ARHGAP42: variants seen among roughly 807,000 people sequenced by gnomAD.
ARHGAP42 encodes Rho GTPase activating protein 42.
In ARHGAP42, 63 loss-of-function variants were observed where a neutral mutation model predicts 125.0. The ratio of observed to expected loss-of-function variants is 0.50; its 90% CI spans 0.41 to 0.62. The LOEUF (loss-of-function observed/expected upper bound fraction) is 0.62. Among genes scored for constraint, ARHGAP42 ranks in the 20% least tolerant of loss-of-function variants. ARHGAP42 has a pLI of 0.00. For missense variants in ARHGAP42, 766 were observed against 1,024.2 expected (o/e 0.75, Z 3.44); for synonymous variants, 339 against 351.0 (o/e 0.97, Z 0.38).
intron 10 of ARHGAP42, among the ~76,000 whole-genome samples, chr11:100,947,273 TGTTA>T (rs1868049404): frequency 6.6e-6 from 1 of 152,038 alleles, no homozygotes; most frequent in Admixed American, 6.6e-5. Context: ...ATAAAGAGGC[TGTTA>T]GTTTATTTAT....
chr11:100,987,157 T>G (rs544135945), intron 22 of ARHGAP42, among the ~76,000 whole-genome samples: 39 of 152,328 alleles, frequency 2.6e-4, no homozygotes, highest in African/African-American at 9.1e-4. Flanking sequence ...TTGGGGTACC[T>G]AGGAACCTTC....
chr11:100,815,251 A>G (rs1160414979), intron 3 of ARHGAP42, among the ~76,000 whole-genome samples: 3 of 152,180 alleles, frequency 2.0e-5, no homozygotes, highest in African/African-American at 7.2e-5. Context: ...CCTTTGTTTC[A>G]TAGACATCCT....
chr11:100,904,280 G>T (rs1414726329), intron 4 of ARHGAP42, among the ~76,000 whole-genome samples: 1 of 140,596 alleles, frequency 7.1e-6, no homozygotes, highest in African/African-American at 2.7e-5. Flanking sequence ...GTCTTGCTCT[G>T]TCGCCCAGGC....
chr11:100,704,072 G>A (rs917206253), intron 1 of ARHGAP42, among the ~76,000 whole-genome samples: 6 of 152,110 alleles, frequency 3.9e-5, no homozygotes, highest in African/African-American at 1.4e-4. Context: ...AGAGACAAAA[G>A]AGACATTCAG....
chr11:100,769,975 C>A (rs1021886315), intron 1 of ARHGAP42, among the ~76,000 whole-genome samples: 1 of 151,978 alleles, frequency 6.6e-6, no homozygotes, highest in African/African-American at 2.4e-5. Context: ...GCTGTGTATC[C>A]TGGAACTTGA....
intron 2 of ARHGAP42, among the ~76,000 whole-genome samples, chr11:100,780,011 G>A (rs1721625130): frequency 6.6e-6 from 1 of 151,228 alleles, no homozygotes; most frequent in South Asian, 2.1e-4. Flanking sequence ...GGGGGACAGA[G>A]TGAGACTCCA....
At chr11:100,836,380 A>C (rs1864785853) in intron 3 of ARHGAP42, among the ~76,000 whole-genome samples, 1 of 152,076 alleles carries the variant, frequency 6.6e-6, no homozygotes, top group African/African-American at 2.4e-5. Context: ...TGGAACACAA[A>C]ATTTTCCATC....
At chr11:100,701,819 G>A (rs1861402410) in intron 1 of ARHGAP42, among the ~76,000 whole-genome samples, 1 of 152,154 alleles carries the variant, frequency 6.6e-6, no homozygotes, top group Non-Finnish European at 1.5e-5. Context: ...GTTCACTGAA[G>A]TAGCATTTTT....
At chr11:100,962,539 C>T (rs761063728) in intron 16 of ARHGAP42, 72 bp downstream of exon 16, 1 of 1,258,454 alleles carries the variant, frequency 7.9e-7, no homozygotes, top group African/African-American at 1.5e-5. Flanking sequence ...GCATATATTA[C>T]TAGTATCAGC....
chr11:100,846,969 G>A (rs1865082935), intron 3 of ARHGAP42, among the ~76,000 whole-genome samples: 1 of 152,152 alleles, frequency 6.6e-6, no homozygotes, highest in Non-Finnish European at 1.5e-5. Context: ...GGTTCAAGCA[G>A]CTGAAGAAGA....
chr11:100,992,794 T>G lies in ARHGAP42; in HGVS notation c.*3993T>G. 7.2e-7 allele frequency: 1 copy of G among 1,385,838 alleles called. No homozygotes were observed. Among genetic ancestry groups the G allele is most frequent in the Non-Finnish European group, 9.8e-7 (1 of 1,018,774 alleles). The allele number at this position is 1,385,838 out of a possible 1,614,324, so 85.8% of individuals were successfully genotyped here. A position where few individuals can be genotyped will look rare whatever the true frequency, so the allele number is the denominator to read the frequency against. On this transcript the variant is annotated 3_prime_UTR_variant, in exon 24 of 24. Transcript: ENST00000298815. Reference sequence around the variant, plus strand: ...TTAAATAAAGAATCTTACATAAGAATGTTGACAACATTCACAGTAAGCCAT... The same window carrying G: ...TTAAATAAAGAATCTTACATAAGAAGGTTGACAACATTCACAGTAAGCCAT...
intron 17 of ARHGAP42, among the ~76,000 whole-genome samples, chr11:100,967,869 A>G (rs1381746855): frequency 1.3e-5 from 2 of 152,012 alleles, no homozygotes; most frequent in Non-Finnish European, 2.9e-5. Context: ...ATGTGACACC[A>G]CGCCCAGCTA....
intron 6 of ARHGAP42, among the ~76,000 whole-genome samples, chr11:100,922,548 C>G (rs1422425166): frequency 6.6e-6 from 1 of 152,092 alleles, no homozygotes; most frequent in African/African-American, 2.4e-5. Flanking sequence ...TGTAAGTAAT[C>G]AAATATCTAA....
At chr11:100,925,476 G>A (rs1178376864) in intron 6 of ARHGAP42, among the ~76,000 whole-genome samples, 5 of 151,928 alleles carry the variant, frequency 3.3e-5, no homozygotes, top group East Asian at 1.9e-4. Flanking sequence ...AGTAGCTCAC[G>A]CCTGTAATCC....
At chr11:100,852,424 GATGA>G (rs2135129598) in intron 3 of ARHGAP42, among the ~76,000 whole-genome samples, 1 of 152,250 alleles carries the variant, frequency 6.6e-6, no homozygotes, top group Admixed American at 6.5e-5. Context: ...ATTTATAACA[GATGA>G]ATGATTTTAT....
At chr11:100,894,549 A>T (rs1434272841) in intron 4 of ARHGAP42, among the ~76,000 whole-genome samples, 1 of 152,234 alleles carries the variant, frequency 6.6e-6, no homozygotes, top group Non-Finnish European at 1.5e-5. Flanking sequence ...AAGCCATGTG[A>T]CTTGAAAGTA....
intron 8 of ARHGAP42, among the ~76,000 whole-genome samples, chr11:100,938,876 A>G (rs1450141819): frequency 6.6e-6 from 1 of 152,192 alleles, no homozygotes; most frequent in African/African-American, 2.4e-5. Context: ...CACTGGGTGG[A>G]TAAGTTCTGT....
intron 1 of ARHGAP42, among the ~76,000 whole-genome samples, chr11:100,733,741 C>A (rs1862001860): frequency 7.1e-6 from 1 of 139,936 alleles, no homozygotes. Context: ...ATGAGAATTT[C>A]CTAAACCCAG....
Position 100,970,201 on chromosome 11 carries a change from T to C in ARHGAP42, c.1551-2974T>C, listed in dbSNP as rs530082246. ...TGAAGTTTCACCATGTTGGTTGGGCTGGTCTTGAACTCCTGATCCTCAGGT... is the reference window on the plus strand; with the variant it reads ...TGAAGTTTCACCATGTTGGTTGGGCCGGTCTTGAACTCCTGATCCTCAGGT... On this transcript the variant is annotated intron_variant, in intron 17 of 23. Coordinates refer to ENST00000298815, the MANE Select transcript of ARHGAP42 (RefSeq NM_152432.4). Among the ~76,000 whole-genome samples the C allele has an allele frequency of 7.2e-5, 11 of 152,298 alleles. No homozygotes were observed. The East Asian group carries it at 2.1e-3, about 29-fold the overall frequency.
Sources: allele counts gnomAD v4.1 joint callset (sites outside exome capture counted in the v4.1 genomes callset), GRCh38; gene constraint gnomAD v4.1.1; transcripts MANE v1.5; gene names NCBI Gene and HGNC (gene_info 2026-07-23, HGNC 2026-07-21).